The following ADGRL3 variants were observed in gnomAD, a reference collection of about 807,000 sequenced individuals.
ADGRL3 encodes the protein adhesion G protein-coupled receptor L3.
ADGRL3 carries 62 observed loss-of-function variants against 153.5 expected under a neutral mutation model. The observed-to-expected ratio is 0.40, with a 90% CI of 0.33 to 0.50. The LOEUF is 0.50. Among genes scored for constraint, ADGRL3 ranks in the 20% least tolerant of loss-of-function variants. The pLI, the probability that ADGRL3 is intolerant of heterozygous loss-of-function variation, is 0.47. For missense variants in ADGRL3, 1,641 were observed against 1,859.4 expected (o/e 0.88, Z 2.16); for synonymous variants, 710 against 672.5 (o/e 1.06, Z -0.86).
intron 6 of ADGRL3, among the ~76,000 whole-genome samples, chr4:61,705,012 G>T (rs775572592): frequency 2.0e-5 from 3 of 152,138 alleles, no homozygotes; most frequent in Non-Finnish European, 2.9e-5. Context: ...ATGCATGAAA[G>T]TTGAACCACC....
chr4:61,398,544 CTT>C (rs1280883509), intron 2 of ADGRL3, among the ~76,000 whole-genome samples: 1 of 151,696 alleles, frequency 6.6e-6, no homozygotes, highest in Non-Finnish European at 1.5e-5. Context: ...ATCTAGCAAA[CTT>C]AACCTGATGT....
intron 23 of ADGRL3, among the ~76,000 whole-genome samples, chr4:62,035,467 G>T (rs1017829132): frequency 6.6e-6 from 1 of 151,918 alleles, no homozygotes; most frequent in Non-Finnish European, 1.5e-5. Context: ...ATACCATTTT[G>T]CTGTGTACCT....
chr4:61,738,173 T>A (rs1280648583), intron 8 of ADGRL3, among the ~76,000 whole-genome samples: 1 of 152,144 alleles, frequency 6.6e-6, no homozygotes, highest in Non-Finnish European at 1.5e-5. Flanking sequence ...GAACATACGA[T>A]GTTTTCCATT....
chr4:61,456,464 GATATATCTATATCTATATAT>G, intron 2 of ADGRL3, among the ~76,000 whole-genome samples: 1 of 101,766 alleles, frequency 9.8e-6, no homozygotes, highest in Admixed American at 1.1e-4. Context: ...TATATATATA[GATATATCTATATCTATATAT>G]ATAGATATAT....
chr4:61,621,761 G>A (rs2092532790), intron 5 of ADGRL3, among the ~76,000 whole-genome samples: 1 of 151,856 alleles, frequency 6.6e-6, no homozygotes, highest in African/African-American at 2.4e-5. Context: ...ATAAAACAAG[G>A]ACATTTTAGT....
intron 3 of ADGRL3, among the ~76,000 whole-genome samples, chr4:61,514,048 A>T (rs1176389465): frequency 2.6e-5 from 4 of 152,180 alleles, no homozygotes; most frequent in Non-Finnish European, 5.9e-5. Context: ...AGGTCTGGAT[A>T]AAAAAAGAGG....
intron 2 of ADGRL3, among the ~76,000 whole-genome samples, chr4:61,412,711 TAG>T (rs985945221): frequency 6.6e-6 from 1 of 152,214 alleles, no homozygotes; most frequent in African/African-American, 2.4e-5. Flanking sequence ...CATTTGGCTC[TAG>T]AGCCCAGGTG....
chr4:61,973,959 T>C (rs867588702), intron 17 of ADGRL3, among the ~76,000 whole-genome samples: 2 of 152,078 alleles, frequency 1.3e-5, no homozygotes, highest in African/African-American at 4.8e-5. Flanking sequence ...TTCGGATGCT[T>C]TGGACATTTT....
At chr4:61,841,133 G>T (rs138975060) in intron 9 of ADGRL3, among the ~76,000 whole-genome samples, 2 of 151,874 alleles carry the variant, frequency 1.3e-5, no homozygotes, top group Non-Finnish European at 1.5e-5. Context: ...TTCTTTCTTC[G>T]TCTCTTGCCA....
intron 2 of ADGRL3, among the ~76,000 whole-genome samples, chr4:61,467,207 G>A (rs760278361): frequency 1.3e-5 from 2 of 152,030 alleles, no homozygotes; most frequent in African/African-American, 2.4e-5. Flanking sequence ...ACATTAAAAT[G>A]TTAAGGCATG....
chr4:61,281,275 C>A (rs1001858255), intron 1 of ADGRL3, among the ~76,000 whole-genome samples: 1 of 151,988 alleles, frequency 6.6e-6, no homozygotes, highest in Non-Finnish European at 1.5e-5. Flanking sequence ...ATATTCACAT[C>A]CAGATTTTTA....
intron 2 of ADGRL3, among the ~76,000 whole-genome samples, chr4:61,394,574 A>G (rs1200525687): frequency 1.3e-5 from 2 of 152,040 alleles, no homozygotes; most frequent in African/African-American, 4.8e-5. Flanking sequence ...TTACACTTAA[A>G]TATAAAAAAA....
chr4:61,969,928 G>T (rs1031501314), intron 17 of ADGRL3, among the ~76,000 whole-genome samples: 6 of 152,088 alleles, frequency 3.9e-5, no homozygotes, highest in Non-Finnish European at 8.8e-5. Flanking sequence ...TTAACCTTCT[G>T]CATCCATCTC....
intron 9 of ADGRL3, among the ~76,000 whole-genome samples, chr4:61,838,736 T>A (rs528875942): frequency 6.6e-6 from 1 of 152,348 alleles, no homozygotes; most frequent in East Asian, 1.9e-4. Flanking sequence ...TCTATGCCTT[T>A]TATCTTTAAG....
intron 8 of ADGRL3, among the ~76,000 whole-genome samples, chr4:61,769,151 G>T (rs1446038581): frequency 1.3e-5 from 2 of 152,112 alleles, no homozygotes; most frequent in African/African-American, 4.8e-5. Flanking sequence ...AAACGTGAGT[G>T]TATAATCAGA....
chr4:62,007,152 CT>C (rs1440755253), intron 21 of ADGRL3, among the ~76,000 whole-genome samples: 1 of 151,220 alleles, frequency 6.6e-6, no homozygotes, highest in African/African-American at 2.4e-5. Context: ...AAGGGATTCT[CT>C]TCATGAGCCT....
chr4:61,591,114 ATTGCC>A (rs1341829541), intron 5 of ADGRL3, among the ~76,000 whole-genome samples: 7 of 152,168 alleles, frequency 4.6e-5, no homozygotes, highest in Admixed American at 4.6e-4. Context: ...TCCTACAAGG[ATTGCC>A]CTATCCTGAT....
At chr4:61,373,623 T>G (rs937891652) in intron 1 of ADGRL3, among the ~76,000 whole-genome samples, 8 of 152,202 alleles carry the variant, frequency 5.3e-5, no homozygotes, top group Non-Finnish European at 1.0e-4. Flanking sequence ...ATGCAATACT[T>G]TAATTCAGAT....
intron 8 of ADGRL3, among the ~76,000 whole-genome samples, chr4:61,753,691 G>A (rs1160467293): frequency 6.6e-6 from 1 of 152,166 alleles, no homozygotes; most frequent in African/African-American, 2.4e-5. Context: ...TTCTATGTTT[G>A]AAATAATATT....
Sources: gnomAD v4.1 joint callset for allele counts (sites outside exome capture counted in the v4.1 genomes callset) on GRCh38, gnomAD v4.1.1 for gene constraint, MANE v1.5 for transcripts, NCBI Gene and HGNC (gene_info 2026-07-23, HGNC 2026-07-21) for gene names.